CCDC30: variants seen among roughly 807,000 people sequenced by gnomAD.
The protein encoded by CCDC30 is coiled-coil domain containing 30, also known as coiled-coil domain-containing protein 30.
CCDC30 carries 70 observed loss-of-function variants against 100.2 expected under a neutral mutation model. That is an observed-to-expected ratio of 0.70 (90% CI 0.58 to 0.85). The LOEUF (loss-of-function observed/expected upper bound fraction) is 0.85. CCDC30 is among the 40% of genes least tolerant of loss of function. CCDC30 has a pLI of 0.00. For synonymous variants in CCDC30, 233 were observed against 269.5 expected (o/e 0.86, Z 1.33); for missense variants, 652 against 771.2 (o/e 0.85, Z 1.83).
chr1:42,572,013 C>T (rs11210673), intron 7 of CCDC30, among the ~76,000 whole-genome samples: 57,373 of 152,036 alleles, frequency 0.38, 11,289 homozygotes, highest in East Asian at 0.59. Flanking sequence ...GCAATGAACA[C>T]TCATGCACAT....
chr1:42,515,724 C>G (rs938740240), intron 6 of CCDC30, among the ~76,000 whole-genome samples: 2 of 152,186 alleles, frequency 1.3e-5, no homozygotes, highest in African/African-American at 4.8e-5. Flanking sequence ...TCCCTGCATC[C>G]AGCCTCTGGA....
intron 9 of CCDC30, among the ~76,000 whole-genome samples, chr1:42,585,152 T>C (rs889419176): frequency 6.6e-6 from 1 of 152,248 alleles, no homozygotes; most frequent in Non-Finnish European, 1.5e-5. Flanking sequence ...GTCCATATAA[T>C]GTAAGTTATC....
At chr1:42,574,308 T>C (rs1645790547) in intron 7 of CCDC30, among the ~76,000 whole-genome samples, 1 of 152,058 alleles carries the variant, frequency 6.6e-6, no homozygotes, top group South Asian at 2.1e-4. Context: ...AGTCAAGTTC[T>C]TCTTTTTTTT....
chr1:42,543,446 C>T (rs911711249), intron 6 of CCDC30, among the ~76,000 whole-genome samples: 1 of 151,682 alleles, frequency 6.6e-6, no homozygotes, highest in Non-Finnish European at 1.5e-5. Context: ...CTCAGCCATC[C>T]GAGTAACTGG....
At position 42,637,381 on chromosome 1, in the gene CCDC30, G is replaced by A; in HGVS notation, c.1419+3G>A. ...TCCTGCAACATAAAATAGAAAAGGT[G>A]AGGAAAAAATAAAAGGTGAAGAGCT... On this transcript the variant is annotated splice_donor_region_variant and intron_variant, in intron 12 of 16. Transcript: ENST00000668663. 1 of 1,605,092 alleles carries A rather than the reference G, an allele frequency of 6.2e-7. No homozygotes were observed. Among genetic ancestry groups the A allele is most frequent in the South Asian group, 1.1e-5 (1 of 88,726 alleles).
intron 1 of CCDC30, among the ~76,000 whole-genome samples, chr1:42,469,253 A>C (rs1170623350): frequency 6.6e-6 from 1 of 152,204 alleles, no homozygotes; most frequent in Admixed American, 6.5e-5. Context: ...ATGTTGGCAC[A>C]TTTCTGTAGT....
chr1:42,482,518 T>TACAC, intron 2 of CCDC30, 145 bp from the exon 3 acceptor site: 1 of 420,030 alleles, frequency 2.4e-6, no homozygotes, highest in Non-Finnish European at 4.0e-6. Context: ...CACACACACA[T>TACAC]ACACACACAC....
intron 7 of CCDC30, among the ~76,000 whole-genome samples, chr1:42,571,595 C>A (rs963925861): frequency 7.9e-5 from 12 of 152,090 alleles, no homozygotes; most frequent in African/African-American, 2.7e-4. Flanking sequence ...TTGAGAATTT[C>A]TTTTTGGTAA....
exon 17 of CCDC30, chr1:42,653,990 C>A (rs16829829): frequency 0.042 from 67,114 of 1,613,614 alleles, 2,245 homozygotes; most frequent in African/African-American, 0.17. Flanking sequence ...GAAGGAGACA[C>A]ATGGTATACA....
chr1:42,541,812 A>G (rs1645017192), intron 6 of CCDC30, among the ~76,000 whole-genome samples: 2 of 152,212 alleles, frequency 1.3e-5, no homozygotes, highest in African/African-American at 2.4e-5. Context: ...GTCTTGCTAA[A>G]GAAGCTGTAT....
intron 8 of CCDC30, 77 bp from the exon 13 acceptor site, chr1:42,581,283 T>C (rs1204941182): frequency 9.1e-7 from 1 of 1,098,592 alleles, no homozygotes; most frequent in Non-Finnish European, 1.3e-6. Context: ...TGTTTGCTAT[T>C]TATATGTTAT....
chr1:42,589,050 C>A (rs1294877308), intron 9 of CCDC30, among the ~76,000 whole-genome samples: 1 of 152,176 alleles, frequency 6.6e-6, no homozygotes, highest in East Asian at 1.9e-4. Context: ...TCCACTTTGT[C>A]TTAACTGTTC....
chr1:42,456,981 C>T, the CCDC30 span: 1 of 1,602,946 alleles, frequency 6.2e-7, no homozygotes. Flanking sequence ...CAGGAGGCTG[C>T]GGCTGCAGGC....
At chr1:42,477,339 C>T (rs560040253) in intron 1 of CCDC30, among the ~76,000 whole-genome samples, 1 of 152,092 alleles carries the variant, frequency 6.6e-6, no homozygotes, top group East Asian at 1.9e-4. Flanking sequence ...AAGGGATTCT[C>T]CTGCCTCAGC....
intron 11 of CCDC30, among the ~76,000 whole-genome samples, chr1:42,615,624 C>T (rs35722118): frequency 0.043 from 6,505 of 152,098 alleles, 201 homozygotes; most frequent in Non-Finnish European, 0.066. Context: ...AAAAAAAACC[C>T]TACGATTCTA....
chr1:42,644,627 T>C (rs1557491231), intron 13 of CCDC30, 66 bp from the exon 18 acceptor site: 19 of 917,650 alleles, frequency 2.1e-5, no homozygotes, highest in Non-Finnish European at 3.6e-6. Context: ...AAGTGGGATG[T>C]AGTTTTGGGT....
chr1:42,614,492 A>G (rs1646687336), intron 11 of CCDC30, among the ~76,000 whole-genome samples: 1 of 151,882 alleles, frequency 6.6e-6, no homozygotes, highest in African/African-American at 2.4e-5. Flanking sequence ...ACCCCAATGA[A>G]GATACAGAAC....
At chr1:42,576,551 A>C (rs1343761993) in intron 7 of CCDC30, among the ~76,000 whole-genome samples, 2 of 152,246 alleles carry the variant, frequency 1.3e-5, no homozygotes, top group Non-Finnish European at 2.9e-5. Context: ...CTAGGCCTAG[A>C]AGTGTCCAAT....
At chr1:42,654,361 A>G (rs1648585864), downstream of CCDC30, 1 of 229,324 alleles carries the variant, frequency 4.4e-6, no homozygotes, top group Non-Finnish European at 8.6e-6. Context: ...AGTAAAAACA[A>G]TACAGTCACA....
Sources: gnomAD v4.1 joint callset for allele counts (sites outside exome capture counted in the v4.1 genomes callset) on GRCh38, gnomAD v4.1.1 for gene constraint, MANE v1.5 for transcripts, NCBI Gene and HGNC (gene_info 2026-07-23, HGNC 2026-07-21) for gene names.